Variants in TLN2 observed in about 807,000 individuals in gnomAD.
The protein encoded by TLN2 is talin 2, also known as talin-2.
Under a neutral mutation model 294.7 loss-of-function variants are expected in TLN2, and 118 were observed. The ratio of observed to expected loss-of-function variants is 0.40; its 90% confidence interval spans 0.34 to 0.47. The LOEUF (loss-of-function observed/expected upper bound fraction) is 0.47, where lower values mean the gene tolerates loss of function less well. TLN2 is among the 20% of genes least tolerant of loss of function. The probability of loss-of-function intolerance (pLI) is 0.84; values close to 1 mark genes in which losing one functional copy is unlikely to be tolerated. For synonymous variants in TLN2, 1,431 were observed against 1,304.5 expected, an observed-to-expected ratio of 1.10 and a Z score of -2.09; for missense variants, 3,083 against 3,282.2, an observed-to-expected ratio of 0.94 and a Z score of 1.48.
intron 42 of TLN2, among the ~76,000 whole-genome samples, chr15:62,772,281 AT>A (rs1238085447): frequency 1.3e-5 from 2 of 152,024 alleles, no homozygotes; most frequent in Non-Finnish European, 2.9e-5. Flanking sequence ...TCTATGTTCA[AT>A]TTTTTCATTC....
chr15:62,692,691 G>A, intron 12 of TLN2, 149 bp from the exon 13 acceptor site: 2 of 619,154 alleles, frequency 3.2e-6, no homozygotes, highest in East Asian at 6.3e-5. Context: ...GAATATTGTT[G>A]AATAAATTTT....
intron 3 of TLN2, chr15:62,638,724 C>A: frequency 2.3e-6 from 1 of 427,144 alleles, no homozygotes; most frequent in South Asian, 1.7e-5. Context: ...CTGACTTCTC[C>A]CCACCCCATT....
At chr15:62,751,813 C>A (rs1297122994) in intron 34 of TLN2, among the ~76,000 whole-genome samples, 1 of 152,182 alleles carries the variant, frequency 6.6e-6, no homozygotes, top group Non-Finnish European at 1.5e-5. Context: ...AAAGAATACA[C>A]CACACCAGTG....
intron 1 of TLN2, among the ~76,000 whole-genome samples, chr15:62,442,847 T>C (rs2035624581): frequency 6.6e-6 from 1 of 152,172 alleles, no homozygotes; most frequent in African/African-American, 2.4e-5. Flanking sequence ...GGCTGTGATT[T>C]TCCTGGCGGC....
chr15:62,440,923 T>C (rs1427515981), intron 1 of TLN2, among the ~76,000 whole-genome samples: 1 of 152,330 alleles, frequency 6.6e-6, no homozygotes, highest in East Asian at 1.9e-4. Flanking sequence ...AAACAGGCTA[T>C]TTCTATCCTG....
chr15:62,754,466 A>G (rs1268247857), intron 36 of TLN2: 1 of 152,308 alleles, frequency 6.6e-6, no homozygotes, highest in Non-Finnish European at 1.5e-5. Flanking sequence ...CATTTGAGGA[A>G]GAGCCAGTAC....
chr15:62,440,920 C>G (rs772303997), intron 1 of TLN2, among the ~76,000 whole-genome samples: 1 of 152,152 alleles, frequency 6.6e-6, no homozygotes, highest in Non-Finnish European at 1.5e-5. Flanking sequence ...ATAAAACAGG[C>G]TATTTCTATC....
intron 26 of TLN2, among the ~76,000 whole-genome samples, chr15:62,722,825 G>A (rs1046649713): frequency 2.0e-5 from 3 of 152,164 alleles, no homozygotes; most frequent in African/African-American, 7.2e-5. Flanking sequence ...CTCAGTGCCA[G>A]CTAAATTGTA....
intron 2 of TLN2, among the ~76,000 whole-genome samples, chr15:62,609,299 A>G (rs2047715025): frequency 6.6e-6 from 1 of 152,202 alleles, no homozygotes. Flanking sequence ...GTTAACAGGT[A>G]TTTCCTACAA....
chr15:62,766,375 C>A lies in TLN2; in HGVS notation c.5149C>A (p.Pro1717Thr). Residue 1717 changes from proline to threonine, a missense_variant, in exon 41 of 59, where the codon CCC becomes ACC. Coordinates refer to ENST00000636159, the MANE Select transcript of TLN2 (RefSeq NM_015059.3). ...VVQEIGHLID[P>T]IATAARGEAA... Reference sequence around the variant, plus strand: ...CCAGGAAATCGGACACCTTATCGATCCCATCGCCACAGCGGCTCGGGGAGA... The same window carrying A: ...CCAGGAAATCGGACACCTTATCGATACCATCGCCACAGCGGCTCGGGGAGA... 1 of 1,612,968 alleles carries A rather than the reference C, an allele frequency of 6.2e-7. No homozygotes were observed. Among genetic ancestry groups the A allele is most frequent in the South Asian group, 1.1e-5 (1 of 91,042 alleles).
chr15:62,393,785 CT>C (rs72057355), intron 1 of TLN2, among the ~76,000 whole-genome samples: 8 of 151,134 alleles, frequency 5.3e-5, no homozygotes, highest in East Asian at 1.9e-4. Context: ...TAATATTTAT[CT>C]TTTTTTTAAT....
chr15:62,724,084 G>T (rs997106648), intron 26 of TLN2, among the ~76,000 whole-genome samples: 2 of 152,092 alleles, frequency 1.3e-5, no homozygotes, highest in Non-Finnish European at 2.9e-5. Context: ...GGAGACAAAG[G>T]TTGCAGTGTG....
chr15:62,829,066 G>A (rs972819745), intron 54 of TLN2: 4 of 151,736 alleles, frequency 2.6e-5, no homozygotes, highest in Non-Finnish European at 4.4e-5. Flanking sequence ...TGATTCTGCA[G>A]TGAGGGCTAT....
intron 2 of TLN2, among the ~76,000 whole-genome samples, chr15:62,618,099 C>T (rs182473384): frequency 4.9e-4 from 75 of 152,032 alleles, no homozygotes; most frequent in Non-Finnish European, 9.7e-4. Flanking sequence ...ATGCCCAGTG[C>T]CTCAGGCAAT....
At chr15:62,770,863 A>G in intron 41 of TLN2, 101 bp from the exon 42 acceptor site, 3 of 1,387,834 alleles carry the variant, frequency 2.2e-6, no homozygotes, top group Non-Finnish European at 2.9e-6. Context: ...CCTGTGAGTC[A>G]GCCCAGTCCT....
At chr15:62,446,537 A>T (rs536264717) in intron 1 of TLN2, among the ~76,000 whole-genome samples, 16 of 152,302 alleles carry the variant, frequency 1.1e-4, no homozygotes, top group African/African-American at 2.6e-4. Context: ...AGTGAGTCAG[A>T]CGACTTGGGT....
intron 1 of TLN2, among the ~76,000 whole-genome samples, chr15:62,457,003 C>T (rs576328509): frequency 6.6e-6 from 1 of 152,182 alleles, no homozygotes; most frequent in Non-Finnish European, 1.5e-5. Flanking sequence ...CCTGTGAATG[C>T]TTGACACACT....
At chr15:62,549,869 A>G (rs926506209) in intron 1 of TLN2, among the ~76,000 whole-genome samples, 4 of 152,360 alleles carry the variant, frequency 2.6e-5, no homozygotes, top group East Asian at 1.9e-4. Context: ...GTGTTGTTTT[A>G]TAGCTAAGTC....
chr15:62,769,482 A>G (rs1178354226), intron 41 of TLN2, among the ~76,000 whole-genome samples: 1 of 152,246 alleles, frequency 6.6e-6, no homozygotes, highest in Non-Finnish European at 1.5e-5. Context: ...AAGGCTCCCT[A>G]AGGGCCGGGA....
Sources: gnomAD v4.1 joint callset for allele counts (sites outside exome capture counted in the v4.1 genomes callset) on GRCh38, gnomAD v4.1.1 for gene constraint, MANE v1.5 for transcripts, NCBI Gene and HGNC (gene_info 2026-07-23, HGNC 2026-07-21) for gene names.